Variants in DYNC2LI1 observed in about 807,000 individuals in gnomAD.
The protein encoded by DYNC2LI1 is cytoplasmic dynein 2 light intermediate chain 1.
Under a neutral mutation model 51.9 loss-of-function variants are expected in DYNC2LI1, and 45 were observed. The observed-to-expected ratio is 0.87, with a 90% CI of 0.68 to 1.11. The LOEUF (loss-of-function observed/expected upper bound fraction) is 1.11, where lower values mean the gene tolerates loss of function less well. DYNC2LI1 is among the 50% of genes most tolerant of loss of function. The probability of loss-of-function intolerance (pLI) is 0.00; values close to 1 mark genes in which losing one functional copy is unlikely to be tolerated. For missense variants in DYNC2LI1, 490 were observed against 417.4 expected, an observed-to-expected ratio of 1.17 and a Z score of -1.51; for synonymous variants, 130 against 137.8, an observed-to-expected ratio of 0.94 and a Z score of 0.40.
chr2:43,807,200 C>T (rs950555590), intron 12 of DYNC2LI1, among the ~76,000 whole-genome samples: 2 of 151,898 alleles, frequency 1.3e-5, no homozygotes, highest in African/African-American at 4.8e-5. Context: ...GAAGTCAGTC[C>T]TCAAGGATCT....
At chr2:43,826,302 T>C in the DYNC2LI1 span, 3 of 1,604,574 alleles carry the variant, frequency 1.9e-6, no homozygotes, top group South Asian at 1.1e-5. Context: ...GCCTGGCCAC[T>C]GGTACAAATC....
downstream of DYNC2LI1, among the ~76,000 whole-genome samples, chr2:43,810,197 G>A (rs1032986872): frequency 4.6e-5 from 7 of 152,184 alleles, no homozygotes; most frequent in Admixed American, 2.0e-4. Context: ...GTTCACAGAT[G>A]TCAAAATTTT....
At chr2:43,792,382 T>C (rs1052692337) in intron 5 of DYNC2LI1, among the ~76,000 whole-genome samples, 5 of 152,208 alleles carry the variant, frequency 3.3e-5, no homozygotes, top group Non-Finnish European at 5.9e-5. Flanking sequence ...TCTAGCAGAA[T>C]GTTTGCTGTG....
the DYNC2LI1 span, chr2:43,822,878 C>T: frequency 1.2e-6 from 2 of 1,614,138 alleles, no homozygotes; most frequent in Non-Finnish European, 8.5e-7. Flanking sequence ...CATCATCTGC[C>T]ACTTCTGGTA....
At chr2:43,822,522 C>G in the DYNC2LI1 span, 2 of 982,636 alleles carry the variant, frequency 2.0e-6, no homozygotes, top group Non-Finnish European at 2.4e-6. Context: ...AGAGTCCTCT[C>G]TTCTCTGGCC....
chr2:43,775,015 C>G (rs35273766), intron 1 of DYNC2LI1, among the ~76,000 whole-genome samples: 4,524 of 148,418 alleles, frequency 0.03, 90 homozygotes, highest in Non-Finnish European at 0.046. Flanking sequence ...TGTTTTGACC[C>G]TTTTTCTTAT....
intron 4 of DYNC2LI1, among the ~76,000 whole-genome samples, chr2:43,787,510 G>C (rs992924923): frequency 3.3e-5 from 5 of 152,232 alleles, no homozygotes; most frequent in African/African-American, 1.2e-4. Context: ...CAGTTCATGA[G>C]AATAGTGTTG....
chr2:43,822,943 T>C, the DYNC2LI1 span: 1 of 1,613,490 alleles, frequency 6.2e-7, no homozygotes, highest in Non-Finnish European at 8.5e-7. Flanking sequence ...GAACTGGGGA[T>C]GGAAGGCAGG....
the DYNC2LI1 span, chr2:43,826,318 C>G: frequency 6.2e-7 from 1 of 1,610,516 alleles, no homozygotes; most frequent in Non-Finnish European, 8.5e-7. Flanking sequence ...AAATCTTGCC[C>G]CTGCCCCTGT....
intron 2 of DYNC2LI1, among the ~76,000 whole-genome samples, chr2:43,777,447 G>A (rs1014080972): frequency 6.6e-6 from 1 of 152,200 alleles, no homozygotes; most frequent in African/African-American, 2.4e-5. Flanking sequence ...GCCACACAGT[G>A]TAGGAACATA....
intron 12 of DYNC2LI1, among the ~76,000 whole-genome samples, chr2:43,807,265 G>C (rs1022363711): frequency 2.0e-5 from 3 of 152,062 alleles, no homozygotes; most frequent in Admixed American, 2.0e-4. Flanking sequence ...GGTCTTTCGT[G>C]ATTAGCCCTC....
At chr2:43,801,508 C>G (rs1666075866) in intron 9 of DYNC2LI1, 131 bp from the exon 10 acceptor site, 1 of 545,508 alleles carries the variant, frequency 1.8e-6, no homozygotes, top group Non-Finnish European at 3.2e-6. Context: ...GTCACTCATT[C>G]ATTCGGGGCA....
Position 43,794,499 on chromosome 2 carries a change from T to A in DYNC2LI1, c.363T>A (p.Asn121Lys). 6 of 1,613,990 alleles carry A rather than the reference T, an allele frequency of 3.7e-6. No individual in the cohort carries two copies. The highest frequency in any genetic ancestry group is 5.1e-6 in the Non-Finnish European group (6 of 1,179,954). ...LVLVLDLSKP[N>K]DLWPTMENLL... Reference sequence around the variant, plus strand: ...TCGTTCTGGATCTTTCAAAACCTAATGATCTCTGGCCCACCATGGAAAATC... The same window carrying A: ...TCGTTCTGGATCTTTCAAAACCTAAAGATCTCTGGCCCACCATGGAAAATC... Residue 121 changes from asparagine (N) to lysine (K), a missense_variant, in exon 6 of 13, where the codon AAT (asparagine) becomes AAA (lysine). Physicochemically the swap from Asn to Lys is moderately conservative, Grantham distance 94. Coordinates refer to ENST00000260605, the MANE Select transcript of DYNC2LI1 (RefSeq NM_016008.4).
downstream of DYNC2LI1, among the ~76,000 whole-genome samples, chr2:43,811,518 CTG>C (rs1666479201): frequency 6.6e-6 from 1 of 152,104 alleles, no homozygotes. Context: ...CATAGTAACA[CTG>C]AGACAGTTTC....
At chr2:43,815,058 T>C in the DYNC2LI1 span, among the ~76,000 whole-genome samples, 5 of 152,160 alleles carry the variant, frequency 3.3e-5, no homozygotes, top group Admixed American at 1.3e-4. Context: ...TACAAGAAAA[T>C]ACAGACCTAA....
the DYNC2LI1 span, among the ~76,000 whole-genome samples, chr2:43,820,796 G>A: frequency 6.6e-6 from 1 of 152,120 alleles, no homozygotes; most frequent in African/African-American, 2.4e-5. Flanking sequence ...TGGGATTACA[G>A]GTGCGCACCA....
At chr2:43,810,275 G>A (rs370238705), downstream of DYNC2LI1, 4 of 781,994 alleles carry the variant, frequency 5.1e-6, no homozygotes, top group East Asian at 1.3e-4. Flanking sequence ...CCCACACCTA[G>A]AGTGTCGCCA....
chr2:43,783,450 T>C, intron 2 of DYNC2LI1, 70 bp from the exon 3 acceptor site: 1 of 1,192,182 alleles, frequency 8.4e-7, no homozygotes, highest in Non-Finnish European at 1.2e-6. Context: ...TGGGCCACAA[T>C]TACGAACAAT....
At chr2:43,784,676 C>T (rs938138359) in intron 3 of DYNC2LI1, among the ~76,000 whole-genome samples, 4 of 152,070 alleles carry the variant, frequency 2.6e-5, no homozygotes, top group Admixed American at 1.3e-4. Flanking sequence ...TCAGGTGATC[C>T]GCCTGCCACG....
Sources: allele counts gnomAD v4.1 joint callset (sites outside exome capture counted in the v4.1 genomes callset), GRCh38; gene constraint gnomAD v4.1.1; transcripts MANE v1.5; gene names NCBI Gene and HGNC (gene_info 2026-07-23, HGNC 2026-07-21).